The following ATG12 variants were observed in gnomAD, a reference collection of about 807,000 sequenced individuals.
ATG12 encodes the protein ubiquitin-like protein ATG12.
In ATG12, 19 loss-of-function variants were observed where a neutral mutation model predicts 17.6. The ratio of observed to expected loss-of-function variants is 1.08; its 90% CI spans 0.75 to 1.58. The LOEUF is 1.58. ATG12 is among the 40% of genes most tolerant of loss of function. The probability of loss-of-function intolerance (pLI) is 0.00; values close to 1 mark genes in which losing one functional copy is unlikely to be tolerated. For synonymous variants in ATG12, 75 were observed against 62.4 expected (o/e 1.20, Z -0.95); for missense variants, 214 against 162.0 (o/e 1.32, Z -1.74).
chr5:115,832,844 TC>T, intron 2 of ATG12, 180 bp from the exon 3 acceptor site: 2 of 510,690 alleles, frequency 3.9e-6, no homozygotes, highest in Non-Finnish European at 3.3e-6. Context: ...TCATTTTTCC[TC>T]CAGAGGAATA....
In ATG12 at chr5:115,831,752, C is replaced by G; in HGVS notation, c.*52G>C. On this transcript the variant is annotated 3_prime_UTR_variant, in exon 4 of 4. Coordinates refer to ENST00000509910, the MANE Select transcript of ATG12 (RefSeq NM_004707.4). Reference sequence around the variant, plus strand: ...AAGCATCAAAACTTTTCAGAGCTGTCTCTTCCGTGAAAATCCATTTCATGT... The same window carrying G: ...AAGCATCAAAACTTTTCAGAGCTGTGTCTTCCGTGAAAATCCATTTCATGT... 8 of 1,567,600 alleles carry G rather than the reference C, an allele frequency of 5.1e-6. No individual in the cohort carries two copies. The highest frequency in any genetic ancestry group is 7.0e-6 in the Non-Finnish European group (8 of 1,144,392).
intron 2 of ATG12, chr5:115,832,918 T>C (rs1024558012): frequency 1.2e-5 from 4 of 331,088 alleles, no homozygotes; most frequent in African/African-American, 8.5e-5. Context: ...AAGAAACTTT[T>C]AAATATTTTT....
rs752037901 is a variant in ATG12, at chr5:115,837,716, T to C, written c.212A>G (p.Lys71Arg). 1.9e-5 allele frequency: 31 copies of C among 1,612,698 alleles called. No homozygotes were observed. The highest frequency in any genetic ancestry group is 2.4e-5 in the Non-Finnish European group (28 of 1,179,666). Residue 71 changes from lysine (K) to arginine (R), a missense_variant, in exon 2 of 4, where the codon AAG (lysine) becomes AGG (arginine). Physicochemically the swap from Lys to Arg is conservative, Grantham distance 26. Transcript: ENST00000509910. ...TCGTGTTCGCTCTACTGCCCACTTC[T>C]TTGTTTTCATAATAGGAGTGTCTCC... Reference protein sequence around the residue: ...AVGDTPIMKTKKWAVERTRTI... With the variant: ...AVGDTPIMKTRKWAVERTRTI...
rs1437252159 is a variant in ATG12 at position 115,829,527 on chromosome 5, TTATACA to T, written c.*2271_*2276del. 6.6e-6 allele frequency: 1 copy of T among 152,190 alleles called. No individual in the cohort carries two copies. Among genetic ancestry groups the T allele is most frequent in the East Asian group, 1.9e-4 (1 of 5,200 alleles). The allele number at this position is 152,190 out of a possible 1,614,324, so 9.4% of individuals were successfully genotyped here. A position where few individuals can be genotyped will look rare whatever the true frequency, so the allele number is the denominator to read the frequency against. On this transcript the variant is annotated 3_prime_UTR_variant, in exon 4 of 4. Coordinates refer to ENST00000509910, the MANE Select transcript of ATG12 (RefSeq NM_004707.4). ...AAGATGGAAGTACAATATTGCAATA[TTATACA>T]TATACTTTGTGTGCCATGGGTCATC...
chr5:115,837,861 T>C, intron 1 of ATG12, 97 bp from the exon 2 acceptor site: 1 of 1,002,152 alleles, frequency 1.0e-6, no homozygotes, highest in Non-Finnish European at 1.4e-6. Context: ...TTAATCTACA[T>C]CCATCTTACG....
intron 2 of ATG12, 52 bp from the exon 3 acceptor site, chr5:115,832,716 T>C: frequency 7.1e-7 from 1 of 1,410,624 alleles, no homozygotes; most frequent in Non-Finnish European, 9.4e-7. Flanking sequence ...CTGATTAATC[T>C]GCATTTTTCT....
chr5:115,840,361 G>C (rs1761327900), intron 1 of ATG12: 2 of 172,332 alleles, frequency 1.2e-5, no homozygotes, highest in East Asian at 1.9e-4. Flanking sequence ...GCAATGGCGA[G>C]ACCTCCGCCC....
chr5:115,840,454 C>T (rs1481513705), intron 1 of ATG12: 2 of 347,672 alleles, frequency 5.8e-6, no homozygotes, highest in African/African-American at 4.5e-5. Context: ...CGCGCCACCA[C>T]ACCCATCTAA....
In ATG12 at chr5:115,831,644, A is replaced by T. The variant is rs1760874375; in HGVS notation, c.*160T>A. 1 of 699,088 alleles carries T rather than the reference A, an allele frequency of 1.4e-6. No homozygotes were observed. The allele number at this position is 699,088 out of a possible 1,614,324, so 43.3% of individuals were successfully genotyped here. A position where few individuals can be genotyped will look rare whatever the true frequency, so the allele number is the denominator to read the frequency against. On this transcript the variant is annotated 3_prime_UTR_variant, in exon 4 of 4. Coordinates refer to ENST00000509910, the MANE Select transcript of ATG12 (RefSeq NM_004707.4). ...ATACAAATCACATTTTTCTGAGTCC[A>T]TTCATGCTATGGATGTTTTCTTATG...
chr5:115,837,496 T>A, intron 2 of ATG12, 132 bp downstream of exon 2: 2 of 932,968 alleles, frequency 2.1e-6, no homozygotes, highest in Non-Finnish European at 1.6e-6. Context: ...TAAATAAAAA[T>A]AAAGGGATAA....
intron 2 of ATG12, 183 bp from the exon 3 acceptor site, chr5:115,832,847 A>G: frequency 4.0e-6 from 2 of 504,976 alleles, no homozygotes; most frequent in Non-Finnish European, 6.7e-6. Context: ...TTTTTCCTCC[A>G]GAGGAATAAA....
At chr5:115,833,425 G>T (rs564799209) in intron 2 of ATG12, 1 of 152,070 alleles carries the variant, frequency 6.6e-6, no homozygotes, top group East Asian at 1.9e-4. Flanking sequence ...ATACTATTTT[G>T]ATCACCAACC....
rs1760923898 is a variant in ATG12, at chr5:115,832,567, CTTTCTTTTTTTTTTTTTTTT to C, written c.363+15_363+34del. 1 of 1,031,940 alleles carries C rather than the reference CTTTCTTTTTTTTTTTTTTTT, an allele frequency of 9.7e-7. No individual in the cohort carries two copies. The highest frequency in any genetic ancestry group is 1.2e-6 in the Non-Finnish European group (1 of 836,344). The allele number at this position is 1,031,940 out of a possible 1,614,324, so 63.9% of individuals were successfully genotyped here. ...GATTAAGAAAAAAAAGCAGTAATTT[CTTTCTTTTTTTTTTTTTTTT>C]TTTTTTTTTTTTACCTCATAGAGAG... On this transcript the variant is annotated intron_variant, in intron 3 of 3. Coordinates refer to ENST00000509910, the MANE Select transcript of ATG12 (RefSeq NM_004707.4).
rs761889147 is a variant in ATG12, at chr5:115,841,430, G to C, written c.123C>G (p.Ser41=). 1.2e-6 allele frequency: 2 copies of C among 1,609,690 alleles called. No individual in the cohort carries two copies. Among genetic ancestry groups the C allele is most frequent in the Admixed American group, 1.7e-5 (1 of 58,184 alleles). The change falls in exon 1 of 4, where the codon TCC becomes TCG. Residue 41 remains serine (S), a synonymous_variant. Coordinates refer to ENST00000509910, the MANE Select transcript of ATG12 (RefSeq NM_004707.4). The part of the protein sequence containing the change: ...TPEPPSSAAV[S]PGTEEPAGDT... ...CGCCAGCAGGTTCCTCTGTTCCCGG[G>C]GAAACTGCAGCGGAAGACGGGGGCT...
At chr5:115,838,751 A>G (rs2112729784) in intron 1 of ATG12, 1 of 152,348 alleles carries the variant, frequency 6.6e-6, no homozygotes, top group Middle Eastern at 3.4e-3. Context: ...CCCAAACCCT[A>G]TGAATCTGTC....
intron 1 of ATG12, chr5:115,838,575 G>A (rs1761199803): frequency 6.6e-6 from 1 of 152,170 alleles, no homozygotes; most frequent in Non-Finnish European, 1.5e-5. Flanking sequence ...TGTAGGCAAT[G>A]ATTACTTGGA....
At chr5:115,836,818 T>C (rs1422090745) in intron 2 of ATG12, among the ~76,000 whole-genome samples, 2 of 152,216 alleles carry the variant, frequency 1.3e-5, no homozygotes, top group Non-Finnish European at 2.9e-5. Flanking sequence ...GCCAAATACA[T>C]GTAGACATTT....
In ATG12 at chr5:115,828,200, TTAG is replaced by T; in HGVS notation, c.*3601_*3603del. On this transcript the variant is annotated 3_prime_UTR_variant, in exon 4 of 4. Coordinates refer to ENST00000509910, the MANE Select transcript of ATG12 (RefSeq NM_004707.4). ...AGTGACTCCAAGAACAGGGACTTTA[TTAG>T]TCTCTTATGAGCTTTATTAGTGTTA... is the stretch of plus-strand genomic sequence containing the variant. 6.6e-6 allele frequency: 1 copy of T among 152,306 alleles called. No homozygotes were observed. Among genetic ancestry groups the T allele is most frequent in the South Asian group, 2.1e-4 (1 of 4,830 alleles). The allele number at this position is 152,306 out of a possible 1,614,324, so 9.4% of individuals were successfully genotyped here.
In ATG12 at chr5:115,831,745, G is replaced by C. The variant is rs1760878469; in HGVS notation, c.*59C>G. On this transcript the variant is annotated 3_prime_UTR_variant, in exon 4 of 4. Coordinates refer to ENST00000509910, the MANE Select transcript of ATG12 (RefSeq NM_004707.4). Reference sequence around the variant, plus strand: ...TTGCCACAAGCATCAAAACTTTTCAGAGCTGTCTCTTCCGTGAAAATCCAT... The same window carrying C: ...TTGCCACAAGCATCAAAACTTTTCACAGCTGTCTCTTCCGTGAAAATCCAT... The C allele has an allele frequency of 6.5e-7, 1 of 1,537,284 alleles. No individual in the cohort carries two copies. Among genetic ancestry groups the C allele is most frequent in the South Asian group, 1.2e-5 (1 of 86,842 alleles).
Sources: allele counts gnomAD v4.1 joint callset (sites outside exome capture counted in the v4.1 genomes callset), GRCh38; gene constraint gnomAD v4.1.1; transcripts MANE v1.5; gene names NCBI Gene and HGNC (gene_info 2026-07-23, HGNC 2026-07-21).